The following CSMD1 variants were observed in gnomAD, a reference collection of about 807,000 sequenced individuals.
The protein encoded by CSMD1 is CUB and Sushi multiple domains 1, also known as CUB and sushi domain-containing protein 1.
A neutral mutation model predicts 417.5 loss-of-function variants in CSMD1; 213 were observed. The observed-to-expected ratio is 0.51, with a 90% confidence interval of 0.46 to 0.57. The LOEUF is 0.57. Among genes scored for constraint, CSMD1 ranks in the 20% least tolerant of loss-of-function variants. CSMD1 has a pLI of 0.00. For missense variants in CSMD1, 6,923 were observed against 4,529.7 expected, an observed-to-expected ratio of 1.53 and a Z score of -15.17; for synonymous variants, 2,862 against 1,736.8, an observed-to-expected ratio of 1.65 and a Z score of -16.11.
At position 3,097,014 on chromosome 8, in the gene CSMD1, G is replaced by A. The variant is rs758876442; in HGVS notation, c.6973C>T (p.Arg2325Trp). The A allele has an allele frequency of 4.4e-5, 68 of 1,548,474 alleles. No homozygotes were observed. The highest frequency in any genetic ancestry group is 5.0e-5 in the Non-Finnish European group (57 of 1,146,380). The change falls in exon 47 of 70, where the codon CGG (arginine) becomes TGG (tryptophan). Residue 2325 changes from arginine (R) to tryptophan (W), a missense_variant. Arg to Trp is a moderately radical substitution (Grantham distance 101, BLOSUM62 -3). Transcript: ENST00000635120. Reference protein sequence around the residue: ...CEAQCPANEVRTGSSGVILSP... With the variant: ...CEAQCPANEVWTGSSGVILSP... ...AGAATGACTCCCGATGATCCAGTCC[G>A]GACTTCATTTGCTGGGCATTGTGCT...
At chr8:3,736,511 C>T (rs192126233) in intron 6 of CSMD1, among the ~76,000 whole-genome samples, 1 of 152,180 alleles carries the variant, frequency 6.6e-6, no homozygotes, top group Non-Finnish European at 1.5e-5. Context: ...TCCCAAATTG[C>T]TGGGATCACT....
At chr8:3,278,368 T>C (rs902292102) in intron 26 of CSMD1, 7 of 152,186 alleles carry the variant, frequency 4.6e-5, no homozygotes, top group Non-Finnish European at 8.8e-5. Context: ...ATAACTATTT[T>C]CTCTCCAATA....
At chr8:3,261,869 G>T (rs143663746) in intron 26 of CSMD1, among the ~76,000 whole-genome samples, 3 of 152,066 alleles carry the variant, frequency 2.0e-5, no homozygotes, top group Non-Finnish European at 4.4e-5. Context: ...AGGTCAATGG[G>T]TACGGCTATC....
At chr8:4,075,361 A>T (rs1032470159) in intron 3 of CSMD1, among the ~76,000 whole-genome samples, 1 of 152,152 alleles carries the variant, frequency 6.6e-6, no homozygotes, top group Non-Finnish European at 1.5e-5. Flanking sequence ...TGAAGTGCTG[A>T]ATTTTTTTTT....
chr8:4,404,027 T>A lies in CSMD1; in HGVS notation c.415+15926A>T, dbSNP rs142730432. On this transcript the variant is annotated intron_variant, in intron 3 of 69. Transcript: ENST00000635120. ...TTAGCAAACTCGATTGGTATTAAAG[T>A]TAAAATACATCCAGACTTATCCAAA... 6.8e-4 allele frequency among the ~76,000 whole-genome samples: 103 copies of A among 152,308 alleles called. No homozygotes were observed. The East Asian group carries it at 0.019, about 28-fold the overall frequency.
rs190425494 is a variant in CSMD1 at position 4,044,853 on chromosome 8, G to C, written c.416-12754C>G. On this transcript the variant is annotated intron_variant, in intron 3 of 69. Coordinates refer to ENST00000635120, the MANE Select transcript of CSMD1 (RefSeq NM_033225.6). ...AGCACCCCAGGCTTGTACCATGCTG[G>C]GGACTGCACCATCCTGAACTTTGCA... 3.4e-3 allele frequency among the ~76,000 whole-genome samples: 518 copies of C among 152,270 alleles called. 6 individuals carry two copies. Among genetic ancestry groups the C allele is most frequent in the African/African-American group, 9.8e-3 (408 of 41,568 alleles).
chr8:3,023,055 G>A (rs1034503275), intron 51 of CSMD1, among the ~76,000 whole-genome samples: 6 of 152,234 alleles, frequency 3.9e-5, no homozygotes, highest in African/African-American at 1.4e-4. Flanking sequence ...AGTCCTGAGT[G>A]ATGTCCAATG....
intron 2 of CSMD1, among the ~76,000 whole-genome samples, chr8:4,603,549 G>C (rs188962573): frequency 2.6e-5 from 4 of 152,132 alleles, no homozygotes; most frequent in Middle Eastern, 3.4e-3. Context: ...AAGAAAACCA[G>C]AACAAATATT....
intron 5 of CSMD1, 63 bp downstream of exon 5, chr8:3,997,840 G>A (rs1164837512): frequency 7.8e-6 from 11 of 1,403,492 alleles, no homozygotes; most frequent in African/African-American, 3.1e-5. Context: ...CTTGAAGCTC[G>A]TTGGGGGAAA....
chr8:4,884,954 T>C (rs990505347), intron 1 of CSMD1, among the ~76,000 whole-genome samples: 2 of 152,166 alleles, frequency 1.3e-5, no homozygotes, highest in Non-Finnish European at 2.9e-5. Flanking sequence ...GCTGTAGCAA[T>C]ATGAAATCTC....
intron 3 of CSMD1, among the ~76,000 whole-genome samples, chr8:4,347,138 A>G (rs529340399): frequency 6.6e-6 from 1 of 152,190 alleles, no homozygotes; most frequent in Non-Finnish European, 1.5e-5. Context: ...GAATGATTTT[A>G]GCACTTGGTG....
chr8:4,482,080 G>C (rs143439767), intron 2 of CSMD1, among the ~76,000 whole-genome samples: 185 of 152,264 alleles, frequency 1.2e-3, no homozygotes, highest in Admixed American at 2.6e-3. Flanking sequence ...TTGATACAAA[G>C]GTAGCAATAC....
chr8:4,714,004 G>A (rs1036542613), intron 1 of CSMD1, among the ~76,000 whole-genome samples: 2 of 152,088 alleles, frequency 1.3e-5, no homozygotes, highest in African/African-American at 4.8e-5. Flanking sequence ...AATTAGCCAA[G>A]CATGGTGGCA....
chr8:3,956,127 C>G (rs529645576), intron 5 of CSMD1, among the ~76,000 whole-genome samples: 3 of 152,126 alleles, frequency 2.0e-5, no homozygotes, highest in South Asian at 4.1e-4. Context: ...TAAGTTCTGA[C>G]CAGATCCTGG....
At chr8:4,580,521 C>T (rs542985187) in intron 2 of CSMD1, among the ~76,000 whole-genome samples, 3 of 152,150 alleles carry the variant, frequency 2.0e-5, no homozygotes, top group African/African-American at 7.2e-5. Flanking sequence ...TGGCTCGGGC[C>T]GTCGGGTTCC....
At position 2,936,922 on chromosome 8, in the gene CSMD1, T is replaced by G. The variant is rs554718157; in HGVS notation, c.*1663A>C. The G allele has an allele frequency of 1.3e-5, 2 of 152,230 alleles. No individual in the cohort carries two copies. Among genetic ancestry groups the G allele is most frequent in the Admixed American group, 1.3e-4 (2 of 15,286 alleles). 9.4% of individuals were successfully genotyped at this position (152,230 alleles called of 1,614,324 possible). A position where few individuals can be genotyped will look rare whatever the true frequency, so the allele number is the denominator to read the frequency against. On this transcript the variant is annotated 3_prime_UTR_variant, in exon 70 of 70. Transcript: ENST00000635120. ...ACAACGTGAAGGCCAATTTGAACAT[T>G]CTGACATTTCTATTACCAACGCCAA...
At chr8:3,338,226 C>T (rs979971819) in intron 23 of CSMD1, among the ~76,000 whole-genome samples, 3 of 152,158 alleles carry the variant, frequency 2.0e-5, no homozygotes, top group African/African-American at 7.2e-5. Context: ...GTCTCATCTC[C>T]ATGTCCAGGT....
intron 2 of CSMD1, among the ~76,000 whole-genome samples, chr8:4,585,390 G>A (rs943958374): frequency 1.3e-5 from 2 of 152,062 alleles, no homozygotes; most frequent in African/African-American, 2.4e-5. Flanking sequence ...TTGAAAGAGG[G>A]ATAACGAAAC....
chr8:3,157,340 T>G (rs1167416476), intron 39 of CSMD1, among the ~76,000 whole-genome samples: 2 of 152,204 alleles, frequency 1.3e-5, no homozygotes, highest in East Asian at 3.9e-4. Context: ...ACATTACCTA[T>G]GCTAACAGTT....
Sources: allele counts gnomAD v4.1 joint callset (sites outside exome capture counted in the v4.1 genomes callset), GRCh38; gene constraint gnomAD v4.1.1; transcripts MANE v1.5; gene names NCBI Gene and HGNC (gene_info 2026-07-23, HGNC 2026-07-21).